Variants in PTPRA observed in about 807,000 individuals in gnomAD.
PTPRA encodes the protein protein tyrosine phosphatase receptor type A.
In PTPRA, 25 loss-of-function variants were observed where a neutral mutation model predicts 104.8. That is an observed-to-expected ratio of 0.24 (90% CI 0.17 to 0.33). The LOEUF is 0.33. PTPRA is among the 10% of genes least tolerant of loss of function. The pLI, the probability that PTPRA is intolerant of heterozygous loss-of-function variation, is 1.00. For missense variants in PTPRA, 765 were observed against 1,015.3 expected, an observed-to-expected ratio of 0.75 and a Z score of 3.35; for synonymous variants, 323 against 368.9, an observed-to-expected ratio of 0.88 and a Z score of 1.43.
intron 1 of PTPRA, among the ~76,000 whole-genome samples, chr20:2,879,164 A>C (rs971176288): frequency 6.6e-6 from 1 of 152,188 alleles, no homozygotes; most frequent in African/African-American, 2.4e-5. Flanking sequence ...GGGTGTCGGG[A>C]GTGTCAGAGA....
chr20:3,024,772 C>T, intron 17 of PTPRA, 151 bp downstream of exon 17: 1 of 933,384 alleles, frequency 1.1e-6, no homozygotes, highest in Non-Finnish European at 1.6e-6. Flanking sequence ...ACTCTGGTAA[C>T]TCTCAACTCA....
At chr20:2,866,352 G>A in the PTPRA span, 5 of 1,613,990 alleles carry the variant, frequency 3.1e-6, no homozygotes, top group African/African-American at 1.3e-5. Flanking sequence ...CTGGGTGGCT[G>A]AGCTGTGGGC....
chr20:2,902,897 A>T (rs1173046519), intron 1 of PTPRA, among the ~76,000 whole-genome samples: 1 of 152,198 alleles, frequency 6.6e-6, no homozygotes, highest in Non-Finnish European at 1.5e-5. Flanking sequence ...ATGAAATATT[A>T]TGACTCCATA....
intron 9 of PTPRA, among the ~76,000 whole-genome samples, chr20:3,000,246 C>G (rs1026788364): frequency 6.6e-6 from 1 of 152,110 alleles, no homozygotes; most frequent in Non-Finnish European, 1.5e-5. Context: ...CAAGATTGCG[C>G]CACTGCACTC....
intron 1 of PTPRA, among the ~76,000 whole-genome samples, chr20:2,913,267 A>T (rs2059787411): frequency 6.6e-6 from 1 of 152,068 alleles, no homozygotes; most frequent in Non-Finnish European, 1.5e-5. Context: ...AATCCCAGCT[A>T]CTCAGGAGGC....
At chr20:2,928,778 GGTT>G (rs982495486) in intron 2 of PTPRA, among the ~76,000 whole-genome samples, 3 of 149,296 alleles carry the variant, frequency 2.0e-5, no homozygotes, top group African/African-American at 7.4e-5. Context: ...CTTTGCTTTT[GGTT>G]GTTTTCCTGG....
intron 2 of PTPRA, among the ~76,000 whole-genome samples, chr20:2,943,569 C>G (rs1471751737): frequency 6.6e-6 from 1 of 152,114 alleles, no homozygotes; most frequent in East Asian, 1.9e-4. Context: ...TCCAGAATAA[C>G]CTTTAACCAA....
intron 17 of PTPRA, 140 bp from the exon 18 acceptor site, chr20:3,026,547 T>A (rs6138982): frequency 0.24 from 151,025 of 636,430 alleles, 19,366 homozygotes; most frequent in East Asian, 0.43. Flanking sequence ...GCTGAACATA[T>A]GGGAACAGAG....
chr20:3,032,334 C>G (rs1045952719), intron 20 of PTPRA, among the ~76,000 whole-genome samples: 3 of 152,148 alleles, frequency 2.0e-5, no homozygotes, highest in Non-Finnish European at 4.4e-5. Context: ...ATCAGCAGTT[C>G]CCCTCTTTAA....
intron 2 of PTPRA, 96 bp downstream of exon 2, chr20:2,923,381 G>A (rs934435412): frequency 1.2e-5 from 11 of 892,718 alleles, no homozygotes; most frequent in African/African-American, 3.6e-5. Context: ...GCTTCATTTC[G>A]TTTCTAAGCT....
At chr20:2,882,280 TTTTCTTTC>T (rs1161450934) in intron 1 of PTPRA, among the ~76,000 whole-genome samples, 53 of 149,702 alleles carry the variant, frequency 3.5e-4, no homozygotes, top group African/African-American at 1.3e-3. Context: ...CTTTTTTTTC[TTTTCTTTC>T]TTTCTTTCTT....
At chr20:2,976,599 G>A (rs908570312) in intron 6 of PTPRA, among the ~76,000 whole-genome samples, 1 of 152,098 alleles carries the variant, frequency 6.6e-6, no homozygotes, top group East Asian at 1.9e-4. Context: ...AAATAATTTT[G>A]TGTAATTCCA....
At chr20:2,956,741 A>ACGTTAAGGGTATTT (rs1444114467) in intron 3 of PTPRA, among the ~76,000 whole-genome samples, 1 of 152,194 alleles carries the variant, frequency 6.6e-6, no homozygotes, top group African/African-American at 2.4e-5. Flanking sequence ...CCATTGATAG[A>ACGTTAAGGGTATTT]CGTTAAGGGT....
At chr20:2,947,100 C>T (rs575444984) in intron 2 of PTPRA, among the ~76,000 whole-genome samples, 1 of 152,258 alleles carries the variant, frequency 6.6e-6, no homozygotes, top group Non-Finnish European at 1.5e-5. Flanking sequence ...AAGTGGTTCT[C>T]TGCTTTGAAG....
intron 2 of PTPRA, among the ~76,000 whole-genome samples, chr20:2,935,019 A>G (rs1217816732): frequency 6.6e-6 from 1 of 152,166 alleles, no homozygotes; most frequent in Non-Finnish European, 1.5e-5. Context: ...TAAAAATAAC[A>G]TATTAATATC....
the PTPRA span, chr20:2,864,603 T>C: frequency 3.1e-6 from 5 of 1,614,002 alleles, no homozygotes; most frequent in Non-Finnish European, 2.5e-6. This position sits in a 1 kb window ranked among gnomAD's most constrained non-coding sequence, Gnocchi z 5.2. Flanking sequence ...AGGATGACAA[T>C]CACCAGGAAT....
chr20:2,866,225 T>A, the PTPRA span: 1 of 1,614,126 alleles, frequency 6.2e-7, no homozygotes, highest in Non-Finnish European at 8.5e-7. Context: ...TTTGTGGAGA[T>A]CTGCATGAAA....
At chr20:2,905,743 G>A (rs1252220557) in intron 1 of PTPRA, among the ~76,000 whole-genome samples, 2 of 133,224 alleles carry the variant, frequency 1.5e-5, no homozygotes, top group Non-Finnish European at 3.1e-5. Context: ...AGAGTGCAAT[G>A]GTGTGGTCTC....
At chr20:2,964,135 A>AT in intron 3 of PTPRA, 137 bp from the exon 4 acceptor site, 4 of 692,190 alleles carry the variant, frequency 5.8e-6, no homozygotes, top group Non-Finnish European at 1.0e-5. Flanking sequence ...GGAAGCATGC[A>AT]TATCAGGCTC....
Sources: allele counts gnomAD v4.1 joint callset (sites outside exome capture counted in the v4.1 genomes callset), GRCh38; gene constraint gnomAD v4.1.1; non-coding constraint Gnocchi (gnomAD v3.1); transcripts MANE v1.5; gene names NCBI Gene and HGNC (gene_info 2026-07-23, HGNC 2026-07-21).